The following HECTD4 variants were observed in gnomAD, a reference collection of about 807,000 sequenced individuals.
HECTD4 encodes HECT domain E3 ubiquitin protein ligase 4, also known as probable E3 ubiquitin-protein ligase HECTD4.
A neutral mutation model predicts 471.5 loss-of-function variants in HECTD4; 114 were observed. The ratio of observed to expected loss-of-function variants is 0.24; its 90% CI spans 0.21 to 0.28. The LOEUF is 0.28. Among genes scored for constraint, HECTD4 ranks in the 10% least tolerant of loss-of-function variants. The pLI is 1.00. For missense variants in HECTD4, 3,866 were observed against 5,651.5 expected (o/e 0.68, Z 10.13); for synonymous variants, 2,012 against 2,256.0 (o/e 0.89, Z 3.07).
intron 59 of HECTD4, among the ~76,000 whole-genome samples, chr12:112,191,348 C>G (rs552414445): frequency 1.8e-4 from 27 of 152,336 alleles, no homozygotes; most frequent in African/African-American, 6.5e-4. Context: ...TTTGGTATGG[C>G]TGCAATCCCA....
At chr12:112,360,984 CAAAA>C (rs1195549482) in intron 1 of HECTD4, among the ~76,000 whole-genome samples, 2 of 58,636 alleles carry the variant, frequency 3.4e-5, no homozygotes, top group Non-Finnish European at 3.5e-5. Context: ...AACTCCGTCT[CAAAA>C]AAAAAAAAAA....
chr12:112,182,067 C>T (rs1373762320), intron 62 of HECTD4, among the ~76,000 whole-genome samples: 3 of 151,354 alleles, frequency 2.0e-5, no homozygotes, highest in Admixed American at 6.6e-5. Flanking sequence ...CACTCCAGCC[C>T]GGGTGACAGA....
Position 112,308,817 on chromosome 12 carries a change from C to A in HECTD4, c.1100G>T (p.Arg367Leu). The change falls in exon 6 of 76, where the codon CGG (arginine) becomes CTG (leucine). Residue 367 changes from arginine (R) to leucine (L), a missense_variant. Coordinates refer to ENST00000682272, the MANE Select transcript of HECTD4 (RefSeq NM_001388303.1). ...AGGTTTATTATCGAAAGAGACAGGC[C>A]GGTGGAGAAGACTGCCGCTGCCAAA... is the stretch of plus-strand genomic sequence containing the variant. ...VAFGSGSLLH[R>L]PVSFDNKPHS... 6.5e-7 allele frequency: 1 copy of A among 1,535,952 alleles called. No individual in the cohort carries two copies. The highest frequency in any genetic ancestry group is 8.7e-7 in the Non-Finnish European group (1 of 1,146,854).
chr12:112,217,297 GCATACACACACACACACA>G (rs1372871298), intron 45 of HECTD4, 102 bp from the exon 46 acceptor site: 220 of 698,606 alleles, frequency 3.1e-4, no homozygotes, highest in Middle Eastern at 1.7e-3. Flanking sequence ...TAAAATATAG[GCATACACACACACACACA>G]CATACACACA....
At chr12:112,177,472 C>T (rs747202760) in intron 64 of HECTD4, among the ~76,000 whole-genome samples, 7 of 151,772 alleles carry the variant, frequency 4.6e-5, no homozygotes, top group Non-Finnish European at 8.8e-5. Flanking sequence ...CTCCGCCTCC[C>T]GGGCTCACGC....
intron 71 of HECTD4, 109 bp from the exon 72 acceptor site, chr12:112,167,647 G>T: frequency 9.5e-7 from 1 of 1,057,148 alleles, no homozygotes; most frequent in Non-Finnish European, 1.4e-6. Context: ...AGAAGTCACT[G>T]CAAGCTCCCA....
chr12:112,261,168 C>A, intron 18 of HECTD4, 137 bp downstream of exon 18: 1 of 915,118 alleles, frequency 1.1e-6, no homozygotes, highest in South Asian at 2.9e-5. Flanking sequence ...CTTTCAAACA[C>A]TTGCCCTTTT....
At chr12:112,376,082 AAAT>A (rs1283458236) in intron 1 of HECTD4, among the ~76,000 whole-genome samples, 1 of 152,208 alleles carries the variant, frequency 6.6e-6, no homozygotes, top group Admixed American at 6.5e-5. Context: ...GTCTAAAAAA[AAAT>A]AATAATAAAA....
At chr12:112,186,393 A>G (rs2031864644) in intron 60 of HECTD4, among the ~76,000 whole-genome samples, 1 of 140,528 alleles carries the variant, frequency 7.1e-6, no homozygotes, top group South Asian at 2.2e-4. Context: ...GCTGGAGTGC[A>G]GTGGCGTGAT....
rs758964619 is a variant in HECTD4, at chr12:112,258,500, C to T, written c.3124G>A (p.Glu1042Lys). 1.3e-5 allele frequency: 21 copies of T among 1,583,748 alleles called. No homozygotes were observed. The highest frequency in any genetic ancestry group is 1.7e-5 in the Non-Finnish European group (20 of 1,168,162). ...PDQKCRLFPD[E>K]RMLEEKEEPG... The stretch of plus-strand genomic sequence containing the variant: ...CAAGGAAGCAGCATTCATTACCTCT[C>T]ATCAGGGAACAGCCTGCACTTCTGG... Residue 1042 changes from glutamate to lysine, a missense_variant, in exon 20 of 76, where the codon GAG becomes AAG. Transcript: ENST00000682272.
At chr12:112,183,726 C>G (rs921127449) in intron 61 of HECTD4, among the ~76,000 whole-genome samples, 1 of 152,172 alleles carries the variant, frequency 6.6e-6, no homozygotes, top group African/African-American at 2.4e-5. Flanking sequence ...TTCTAAACGG[C>G]GAGGCCTAAG....
chr12:112,349,388 CAAAAAA>C (rs60480485), intron 1 of HECTD4, among the ~76,000 whole-genome samples: 8 of 54,718 alleles, frequency 1.5e-4, no homozygotes, highest in Non-Finnish European at 2.2e-4. Context: ...ACTCTTGCTC[CAAAAAA>C]AAAAAAAAAA....
chr12:112,208,058 T>C, intron 51 of HECTD4, 58 bp from the exon 52 acceptor site: 2 of 1,570,200 alleles, frequency 1.3e-6, no homozygotes, highest in Non-Finnish European at 1.7e-6. Context: ...GGCATCACTG[T>C]TTCCCTAACT....
chr12:112,284,756 C>A (rs557718647), intron 7 of HECTD4, among the ~76,000 whole-genome samples: 7 of 152,270 alleles, frequency 4.6e-5, no homozygotes, highest in African/African-American at 1.7e-4. Context: ...CCTTGCAGGT[C>A]GCGCCATCAC....
At chr12:112,171,864 G>A (rs1205718221) in intron 67 of HECTD4, among the ~76,000 whole-genome samples, 15 of 152,204 alleles carry the variant, frequency 9.9e-5, no homozygotes, top group Admixed American at 9.8e-4. Context: ...CCTTGTAAAC[G>A]GGGGGCGTCT....
Position 112,324,072 on chromosome 12 carries a change from T to C in HECTD4, c.178-4330A>G, listed in dbSNP as rs1180486723. Among the ~76,000 whole-genome samples, 105 of 90,020 alleles carry C rather than the reference T, an allele frequency of 1.2e-3. 16 individuals are homozygous for C. Among genetic ancestry groups the C allele is most frequent in the East Asian group, 4.4e-3 (7 of 1,576 alleles). The allele number at this position is 90,020 out of a possible 152,430, so 59.1% of individuals were successfully genotyped here. A position where few individuals can be genotyped will look rare whatever the true frequency, so the allele number is the denominator to read the frequency against. ...TTTCTTTCTTTCTTTCTTTCTTTCT[T>C]TCTTTCTTTCTTTCTTTCTTTCTTT... On this transcript the variant is annotated intron_variant, in intron 1 of 75. Transcript: ENST00000682272.
chr12:112,335,167 G>C (rs7960180), intron 1 of HECTD4, among the ~76,000 whole-genome samples: 15,663 of 126,324 alleles, frequency 0.12, 962 homozygotes, highest in East Asian at 0.47. Flanking sequence ...CACACACACA[G>C]ACACACACAC....
At position 112,162,379 on chromosome 12, in the gene HECTD4, C is replaced by G. The variant is rs760951531; in HGVS notation, c.*8G>C. On this transcript the variant is annotated 3_prime_UTR_variant, in exon 76 of 76. Transcript: ENST00000682272. The surrounding 1 kb of genome is among the most constrained non-coding windows in gnomAD (Gnocchi z 5.2). The stretch of plus-strand genomic sequence containing the variant: ...TCAGTGACAGCCTAATTCTGGGGCT[C>G]CCTCCCATCAGCCACTGAGGGGGTC... 2 of 1,613,906 alleles carry G rather than the reference C, an allele frequency of 1.2e-6. No homozygotes were observed. Among genetic ancestry groups the G allele is most frequent in the South Asian group, 2.2e-5 (2 of 91,080 alleles).
At chr12:112,363,705 A>G (rs1167143419) in intron 1 of HECTD4, among the ~76,000 whole-genome samples, 2 of 152,104 alleles carry the variant, frequency 1.3e-5, no homozygotes, top group Non-Finnish European at 1.5e-5. Flanking sequence ...GGCCAGGTAC[A>G]GTGGCTCAGG....
Sources: allele counts gnomAD v4.1 joint callset (sites outside exome capture counted in the v4.1 genomes callset), GRCh38; gene constraint gnomAD v4.1.1; non-coding constraint Gnocchi (gnomAD v3.1); transcripts MANE v1.5; gene names NCBI Gene and HGNC (gene_info 2026-07-23, HGNC 2026-07-21).